Variants in RAB2A observed in about 807,000 individuals in gnomAD.
The protein encoded by RAB2A is ras-related protein Rab-2A.
In RAB2A, 7 loss-of-function variants were observed where a neutral mutation model predicts 32.5. The observed-to-expected ratio is 0.22, with a 90% CI of 0.12 to 0.40. RAB2A has a LOEUF of 0.40. RAB2A is among the 10% of genes least tolerant of loss of function. The pLI, the probability that RAB2A is intolerant of heterozygous loss-of-function variation, is 1.00. For missense variants in RAB2A, 108 were observed against 260.7 expected, an observed-to-expected ratio of 0.41 and a Z score of 4.03; for synonymous variants, 79 against 85.2, an observed-to-expected ratio of 0.93 and a Z score of 0.40.
chr8:60,601,481 G>A (rs1804134124), intron 6 of RAB2A, among the ~76,000 whole-genome samples: 2 of 152,178 alleles, frequency 1.3e-5, no homozygotes, highest in Admixed American at 6.5e-5. Flanking sequence ...GGGACTACAG[G>A]CATGTGCCAC....
At chr8:60,582,863 G>C (rs1563477409) in intron 3 of RAB2A, among the ~76,000 whole-genome samples, 1 of 152,130 alleles carries the variant, frequency 6.6e-6, no homozygotes, top group East Asian at 1.9e-4. Flanking sequence ...GCATAAATGG[G>C]TTAAAAACTC....
intron 1 of RAB2A, among the ~76,000 whole-genome samples, chr8:60,518,837 C>T (rs61589403): frequency 0.015 from 2,356 of 152,092 alleles, 75 homozygotes; most frequent in African/African-American, 0.054. Flanking sequence ...AGAGGAATGC[C>T]ACATTAACTG....
chr8:60,524,282 C>A (rs1807345901), intron 1 of RAB2A, among the ~76,000 whole-genome samples: 1 of 152,166 alleles, frequency 6.6e-6, no homozygotes, highest in East Asian at 1.9e-4. Flanking sequence ...CCTCCTCTTG[C>A]AGTAGCCAGT....
chr8:60,549,601 G>C (rs1162122647), intron 1 of RAB2A, among the ~76,000 whole-genome samples: 3 of 151,786 alleles, frequency 2.0e-5, no homozygotes, highest in Non-Finnish European at 4.4e-5. Flanking sequence ...GTCTGTCTAC[G>C]TGGAGAGAAA....
At chr8:60,517,712 A>G (rs561100666) in intron 1 of RAB2A, among the ~76,000 whole-genome samples, 14 of 152,286 alleles carry the variant, frequency 9.2e-5, no homozygotes, top group African/African-American at 3.1e-4. Flanking sequence ...ACCAGCACGC[A>G]TCTATCAAGG....
At chr8:60,525,405 A>G (rs1807363408) in intron 1 of RAB2A, among the ~76,000 whole-genome samples, 1 of 152,170 alleles carries the variant, frequency 6.6e-6, no homozygotes, top group South Asian at 2.1e-4. Context: ...ACTGTGAGTC[A>G]ATTAAGCCTC....
At chr8:60,565,009 C>T (rs1241968521) in intron 2 of RAB2A, among the ~76,000 whole-genome samples, 1 of 152,214 alleles carries the variant, frequency 6.6e-6, no homozygotes, top group Non-Finnish European at 1.5e-5. Flanking sequence ...CACTAATTCC[C>T]ACTACATTTA....
intron 2 of RAB2A, among the ~76,000 whole-genome samples, chr8:60,566,516 GTA>G (rs1808116105): frequency 6.6e-6 from 1 of 151,850 alleles, no homozygotes; most frequent in Non-Finnish European, 1.5e-5. Flanking sequence ...TAGCCTTGCT[GTA>G]TGCAAAAATT....
intron 1 of RAB2A, among the ~76,000 whole-genome samples, chr8:60,528,384 A>G (rs1462225347): frequency 6.6e-6 from 1 of 152,214 alleles, no homozygotes; most frequent in Non-Finnish European, 1.5e-5. Flanking sequence ...ATGTTACAAT[A>G]ATTTCCCCAT....
At chr8:60,582,075 A>G (rs1803767546) in intron 3 of RAB2A, among the ~76,000 whole-genome samples, 1 of 151,392 alleles carries the variant, frequency 6.6e-6, no homozygotes, top group Non-Finnish European at 1.5e-5. Context: ...CCTCCCAAGT[A>G]GCTAGGACTG....
chr8:60,601,956 G>A (rs73261273), intron 6 of RAB2A, among the ~76,000 whole-genome samples: 6 of 152,202 alleles, frequency 3.9e-5, no homozygotes, highest in Admixed American at 2.6e-4. Context: ...GGTTTGAACT[G>A]TAGCCTCAAC....
In RAB2A at chr8:60,539,329, G is replaced by A. The variant is rs190277899; in HGVS notation, c.47-19523G>A. Among the ~76,000 whole-genome samples the A allele has an allele frequency of 3.7e-3, 561 of 152,294 alleles. 1 individual carries two copies. The highest frequency in any genetic ancestry group is 6.8e-3 in the Admixed American group (104 of 15,308). On this transcript the variant is annotated intron_variant, in intron 1 of 7. Transcript: ENST00000262646. ...AAGTGAGCTTGTCTTCAGGTACTGG[G>A]AAAGGAAAAAGAAGTGATTTTTCCT...
At chr8:60,590,638 A>G (rs747770000) in intron 5 of RAB2A, among the ~76,000 whole-genome samples, 4 of 148,826 alleles carry the variant, frequency 2.7e-5, no homozygotes, top group Admixed American at 6.7e-5. Flanking sequence ...ATTGTTTGTA[A>G]TAATGAAAAA....
At chr8:60,536,294 T>C (rs1229724753) in intron 1 of RAB2A, among the ~76,000 whole-genome samples, 1 of 145,644 alleles carries the variant, frequency 6.9e-6, no homozygotes, top group Non-Finnish European at 1.5e-5. Context: ...TTTCTTTGGC[T>C]CTTGTTAATT....
intron 1 of RAB2A, among the ~76,000 whole-genome samples, chr8:60,520,794 C>A (rs1434421170): frequency 6.6e-6 from 1 of 152,126 alleles, no homozygotes. Flanking sequence ...CCCACCACTT[C>A]CATTTTATTT....
intron 1 of RAB2A, among the ~76,000 whole-genome samples, chr8:60,527,500 A>G (rs991730342): frequency 3.9e-5 from 6 of 152,194 alleles, no homozygotes; most frequent in South Asian, 2.1e-4. Flanking sequence ...GAGAGGGACA[A>G]TGGAGGAAGG....
chr8:60,561,338 A>C (rs1254043361), intron 2 of RAB2A, among the ~76,000 whole-genome samples: 2 of 152,212 alleles, frequency 1.3e-5, no homozygotes, highest in Non-Finnish European at 1.5e-5. Flanking sequence ...AGTTGGTTGT[A>C]AATGACAAAA....
chr8:60,579,904 G>A (rs1470459845), intron 3 of RAB2A, among the ~76,000 whole-genome samples: 1 of 152,138 alleles, frequency 6.6e-6, no homozygotes, highest in East Asian at 1.9e-4. Context: ...TGGGATTACA[G>A]GCGTGAGCCA....
At chr8:60,536,403 A>G (rs1807556485) in intron 1 of RAB2A, among the ~76,000 whole-genome samples, 2 of 152,204 alleles carry the variant, frequency 1.3e-5, no homozygotes, top group South Asian at 4.1e-4. Context: ...ATGTACAGTA[A>G]ATTTATTAGA....
Sources: allele counts gnomAD v4.1 joint callset (sites outside exome capture counted in the v4.1 genomes callset), GRCh38; gene constraint gnomAD v4.1.1; transcripts MANE v1.5; gene names NCBI Gene and HGNC (gene_info 2026-07-23, HGNC 2026-07-21).